SLC24A4: variants seen among roughly 807,000 people sequenced by gnomAD.
SLC24A4 encodes the protein solute carrier family 24 member 4, also known as sodium/potassium/calcium exchanger 4.
SLC24A4 carries 53 observed loss-of-function variants against 79.0 expected under a neutral mutation model. The ratio of observed to expected loss-of-function variants is 0.67; its 90% CI spans 0.54 to 0.84. SLC24A4 has a LOEUF of 0.84. SLC24A4 is among the 40% of genes least tolerant of loss of function. The probability of loss-of-function intolerance (pLI) is 0.00; values close to 1 mark genes in which losing one functional copy is unlikely to be tolerated. For missense variants in SLC24A4, 731 were observed against 822.0 expected (o/e 0.89, Z 1.35); for synonymous variants, 323 against 323.8 (o/e 1.00, Z 0.03).
At chr14:92,325,803 G>C in intron 1 of SLC24A4, 65 bp from the exon 2 acceptor site, 1 of 940,898 alleles carries the variant, frequency 1.1e-6, no homozygotes, top group Admixed American at 2.0e-5. Flanking sequence ...ACAAATGTAA[G>C]GTCATTTTGG....
intron 13 of SLC24A4, among the ~76,000 whole-genome samples, chr14:92,485,070 G>T (rs1220386814): frequency 7.4e-6 from 1 of 134,406 alleles, no homozygotes; most frequent in Non-Finnish European, 1.7e-5. Context: ...ACCATGAGAT[G>T]CAGCAGTGCT....
At chr14:92,430,258 C>A (rs1891791556) in intron 2 of SLC24A4, among the ~76,000 whole-genome samples, 1 of 152,176 alleles carries the variant, frequency 6.6e-6, no homozygotes, top group Non-Finnish European at 1.5e-5. Context: ...CCTAGACAGT[C>A]CAGTGGCTAC....
intron 2 of SLC24A4, among the ~76,000 whole-genome samples, chr14:92,404,166 TAA>T (rs1890254527): frequency 6.6e-6 from 1 of 152,210 alleles, no homozygotes; most frequent in Non-Finnish European, 1.5e-5. Context: ...GCATCTACCC[TAA>T]GTCTCACTGG....
rs146074126 is a variant in SLC24A4, at chr14:92,454,014, A to G, written c.995A>G (p.Asn332Ser). 2.0e-5 allele frequency: 32 copies of G among 1,613,646 alleles called. 1 individual carries two copies. In the Admixed American group the frequency reaches 2.8e-4, roughly 14 times the overall value. Reference sequence around the variant, plus strand: ...GCAGGCTTACGAATCATGATCACCAATAAGTTTGGACCCAGGACCCGACTA... The same window carrying G: ...GCAGGCTTACGAATCATGATCACCAGTAAGTTTGGACCCAGGACCCGACTA... ...PEAGLRIMIT[N>S]KFGPRTRLRM... is the part of the protein sequence containing the mutation. The change falls in exon 11 of 17, where the codon AAT becomes AGT. Residue 332 changes from asparagine (N) to serine (S), a missense_variant. By Grantham distance (46) the Asn-to-Ser change is conservative. Transcript: ENST00000532405.
At chr14:92,469,466 G>A (rs7161475) in intron 12 of SLC24A4, among the ~76,000 whole-genome samples, 23,691 of 150,844 alleles carry the variant, frequency 0.16, 2,014 homozygotes, top group Middle Eastern at 0.37. Flanking sequence ...CCGAGATCGC[G>A]CCACTGCACT....
intron 2 of SLC24A4, among the ~76,000 whole-genome samples, chr14:92,385,036 A>T (rs1889071159): frequency 1.3e-5 from 2 of 152,230 alleles, no homozygotes; most frequent in Admixed American, 1.3e-4. Flanking sequence ...ATTGGGCAAC[A>T]TATAAGAACT....
At chr14:92,482,917 A>G in intron 13 of SLC24A4, 71 bp downstream of exon 13, 3 of 1,463,774 alleles carry the variant, frequency 2.0e-6, no homozygotes, top group Non-Finnish European at 1.9e-6. Flanking sequence ...TTCAAGGCTA[A>G]CCACAGGTAC....
intron 2 of SLC24A4, among the ~76,000 whole-genome samples, chr14:92,415,781 A>G (rs2141805651): frequency 6.6e-6 from 1 of 151,650 alleles, no homozygotes; most frequent in South Asian, 2.1e-4. Flanking sequence ...TTTTTTTTTA[A>G]TTTCCATAGG....
chr14:92,480,043 T>C (rs997563618), intron 12 of SLC24A4, among the ~76,000 whole-genome samples: 6 of 152,114 alleles, frequency 3.9e-5, no homozygotes, highest in Non-Finnish European at 8.8e-5. Context: ...ATTTTAGTAA[T>C]TTGAATCTTC....
chr14:92,432,182 C>G (rs914651155), intron 2 of SLC24A4, among the ~76,000 whole-genome samples: 10 of 152,120 alleles, frequency 6.6e-5, no homozygotes, highest in African/African-American at 2.4e-4. Flanking sequence ...CCACAGCCCT[C>G]CAGGATACAC....
chr14:92,391,917 A>G (rs959574639), intron 2 of SLC24A4, among the ~76,000 whole-genome samples: 4 of 152,190 alleles, frequency 2.6e-5, no homozygotes, highest in Admixed American at 2.0e-4. Context: ...GACCTCAGCC[A>G]GCACCTGACT....
Position 92,500,567 on chromosome 14 carries a change from C to T in SLC24A4, c.*6939C>T, listed in dbSNP as rs1004347145. On this transcript the variant is annotated 3_prime_UTR_variant, in exon 17 of 17. Coordinates refer to ENST00000532405, the MANE Select transcript of SLC24A4 (RefSeq NM_153646.4). Reference sequence around the variant, plus strand: ...GCATCTCTGCCCTCACTTTTCATCCCTGCCCTCTAAGCTGCAGACCCCATG... The same window carrying T: ...GCATCTCTGCCCTCACTTTTCATCCTTGCCCTCTAAGCTGCAGACCCCATG... The T allele has an allele frequency of 2.0e-5, 3 of 152,322 alleles. No homozygotes were observed. The highest frequency in any genetic ancestry group is 4.4e-5 in the Non-Finnish European group (3 of 68,110). The allele number at this position is 152,322 out of a possible 1,614,324, so 9.4% of individuals were successfully genotyped here.
intron 2 of SLC24A4, among the ~76,000 whole-genome samples, chr14:92,343,742 A>C (rs1886367371): frequency 7.0e-6 from 1 of 143,170 alleles, no homozygotes; most frequent in Admixed American, 7.3e-5. Context: ...TCACTCTGTC[A>C]CCCAGACTGG....
chr14:92,357,117 C>A (rs1461914420), intron 2 of SLC24A4, among the ~76,000 whole-genome samples: 1 of 152,134 alleles, frequency 6.6e-6, no homozygotes. Context: ...TTTCTTGAGA[C>A]TTACTCGAGC....
intron 2 of SLC24A4, among the ~76,000 whole-genome samples, chr14:92,433,633 A>G (rs1435921693): frequency 6.6e-6 from 1 of 152,116 alleles, no homozygotes; most frequent in Non-Finnish European, 1.5e-5. Flanking sequence ...TAGCCATCCT[A>G]TTATGTGGGA....
rs560783901 is a variant in SLC24A4 at position 92,463,426 on chromosome 14, G to A, written c.1255+6818G>A. Among the ~76,000 whole-genome samples the A allele has an allele frequency of 7.2e-5, 11 of 152,208 alleles. No individual in the cohort carries two copies. In the South Asian group the frequency reaches 1.2e-3, roughly 17 times the overall value. On this transcript the variant is annotated intron_variant, in intron 12 of 16. Coordinates refer to ENST00000532405, the MANE Select transcript of SLC24A4 (RefSeq NM_153646.4). ...ATGTGCAGTTCCATACACAGTTCTC[G>A]TCTGTTCCAGGCCCCCAGAGACACA...
At chr14:92,425,726 C>T (rs1417597821) in intron 2 of SLC24A4, among the ~76,000 whole-genome samples, 2 of 152,198 alleles carry the variant, frequency 1.3e-5, no homozygotes, top group Non-Finnish European at 2.9e-5. Context: ...CACCTGTAAT[C>T]CCAGCACCTT....
At position 92,492,194 on chromosome 14, in the gene SLC24A4, G is replaced by T. The variant is rs372432200; in HGVS notation, c.1670G>T (p.Gly557Val). The change falls in exon 16 of 17, where the codon GGG becomes GTG. Residue 557 changes from glycine to valine, a missense_variant. Transcript: ENST00000532405. ...YGSTVKINSRGLVYSVVLLLG... is the reference protein window; with the variant it reads ...YGSTVKINSRVLVYSVVLLLG... ...TTCCAGGTGAAGATCAACAGCCGGG[G>T]GCTGGTCTATTCCGTGGTCCTGTTG... The T allele has an allele frequency of 1.2e-6, 2 of 1,614,106 alleles. No individual in the cohort carries two copies. Among genetic ancestry groups the T allele is most frequent in the Admixed American group, 3.3e-5 (2 of 60,014 alleles).
intron 12 of SLC24A4, among the ~76,000 whole-genome samples, chr14:92,467,716 T>C (rs1450059360): frequency 6.6e-6 from 1 of 152,174 alleles, no homozygotes; most frequent in Non-Finnish European, 1.5e-5. Context: ...AAGGCCTGCC[T>C]AGGACCATGT....
Sources: allele counts gnomAD v4.1 joint callset (sites outside exome capture counted in the v4.1 genomes callset), GRCh38; gene constraint gnomAD v4.1.1; transcripts MANE v1.5; gene names NCBI Gene and HGNC (gene_info 2026-07-23, HGNC 2026-07-21).